The following ZNF383 variants were observed in gnomAD, a reference collection of about 807,000 sequenced individuals.
The protein encoded by ZNF383 is zinc finger protein 383.
Under a neutral mutation model 44.2 loss-of-function variants are expected in ZNF383, and 32 were observed. The observed-to-expected ratio is 0.72, with a 90% CI of 0.55 to 0.97. The LOEUF is 0.97. ZNF383 is among the 50% of genes least tolerant of loss of function. The pLI is 0.00. For missense variants in ZNF383, 487 were observed against 562.5 expected, an observed-to-expected ratio of 0.87 and a Z score of 1.36; for synonymous variants, 155 against 186.2, an observed-to-expected ratio of 0.83 and a Z score of 1.36.
intron 1 of ZNF383, among the ~76,000 whole-genome samples, chr19:37,222,687 A>G (rs1161595340): frequency 1.3e-5 from 2 of 152,132 alleles, no homozygotes; most frequent in African/African-American, 2.4e-5. Flanking sequence ...CGAATATAAC[A>G]CATTTTACTT....
chr19:37,222,804 T>C (rs1358350102), intron 1 of ZNF383, among the ~76,000 whole-genome samples: 1 of 152,216 alleles, frequency 6.6e-6, no homozygotes, highest in Non-Finnish European at 1.5e-5. Flanking sequence ...TGAATGCATT[T>C]GTCTTGGGTG....
At chr19:37,223,795 A>G (rs1459818000) in intron 1 of ZNF383, among the ~76,000 whole-genome samples, 1 of 152,136 alleles carries the variant, frequency 6.6e-6, no homozygotes, top group Non-Finnish European at 1.5e-5. Flanking sequence ...GCACTTTGGG[A>G]GGCCCAGGCT....
chr19:37,233,423 G>A (rs969425273), intron 3 of ZNF383, among the ~76,000 whole-genome samples: 11 of 145,264 alleles, frequency 7.6e-5, no homozygotes, highest in East Asian at 2.1e-4. Context: ...GAGCCACTGC[G>A]CCCGGCTGTT....
chr19:37,243,602 G>A lies in ZNF383; in HGVS notation c.1366G>A (p.Gly456Arg). ...GEKPYNCKECGKAFSSGSDLI... is the reference protein window; with the variant it reads ...GEKPYNCKECRKAFSSGSDLI... ...AAAGCCCTATAACTGTAAGGAATGT[G>A]GGAAGGCTTTTAGTAGTGGCTCGGA... The change falls in exon 6 of 6, where the codon GGG becomes AGG. Residue 456 changes from glycine (G) to arginine (R), a missense_variant. Physicochemically the swap from Gly to Arg is moderately radical, Grantham distance 125 (BLOSUM62 -2). Transcript: ENST00000684119. 1 of 1,607,760 alleles carries A rather than the reference G, an allele frequency of 6.2e-7. No individual in the cohort carries two copies.
intron 1 of ZNF383, among the ~76,000 whole-genome samples, chr19:37,223,131 C>T (rs539157977): frequency 1.1e-4 from 16 of 152,302 alleles, no homozygotes; most frequent in South Asian, 8.3e-4. Context: ...TAGCACTCTT[C>T]TCAATAGCTG....
chr19:37,238,644 G>A (rs1050557737), intron 5 of ZNF383, among the ~76,000 whole-genome samples: 2 of 152,144 alleles, frequency 1.3e-5, no homozygotes, highest in South Asian at 2.1e-4. Flanking sequence ...TGAGCAAAGC[G>A]GGAATTGTAG....
rs917353692 is a variant in ZNF383 at position 37,233,925 on chromosome 19, C to T, written c.10-1624C>T. Among the ~76,000 whole-genome samples, 11 of 151,266 alleles carry T rather than the reference C, an allele frequency of 7.3e-5. No homozygotes were observed. In the South Asian group the frequency reaches 1.1e-3, roughly 14 times the overall value. On this transcript the variant is annotated intron_variant, in intron 3 of 5. Transcript: ENST00000684119. Reference sequence around the variant, plus strand: ...TATCGCCCAGGCTGGAGTGCAATGGCGCAATCTCTGCTCACTGCAACCTCC... The same window carrying T: ...TATCGCCCAGGCTGGAGTGCAATGGTGCAATCTCTGCTCACTGCAACCTCC...
intron 3 of ZNF383, among the ~76,000 whole-genome samples, chr19:37,232,458 T>A (rs1049274897): frequency 4.6e-5 from 7 of 152,168 alleles, no homozygotes; most frequent in African/African-American, 1.4e-4. Context: ...ATAAAATATA[T>A]CTTGGATACT....
chr19:37,234,866 C>T (rs188565952), intron 3 of ZNF383, among the ~76,000 whole-genome samples: 1 of 152,306 alleles, frequency 6.6e-6, no homozygotes, highest in East Asian at 1.9e-4. Context: ...TTTGGTATAA[C>T]AAGACGTTCA....
chr19:37,223,148 C>T (rs1443676421), intron 1 of ZNF383, among the ~76,000 whole-genome samples: 2 of 152,292 alleles, frequency 1.3e-5, no homozygotes, highest in African/African-American at 2.4e-5. Context: ...GCTGACAGAA[C>T]AAGTGACAAA....
At chr19:37,223,481 T>G (rs995306793) in intron 1 of ZNF383, among the ~76,000 whole-genome samples, 5 of 151,998 alleles carry the variant, frequency 3.3e-5, no homozygotes, top group Non-Finnish European at 7.4e-5. Flanking sequence ...GAGGATTGCT[T>G]GAACCCAGAA....
Position 37,229,800 on chromosome 19 carries a change from ATAT to A in ZNF383, c.-45-607_-45-605del, listed in dbSNP as rs577917377. ...TATATGTGTGTGTATATATATATATATATTTTTTTTTTTTTTTCAATAAAACAG... is the reference window on the plus strand; with the variant it reads ...TATATGTGTGTGTATATATATATATATTTTTTTTTTTTTTCAATAAAACAG... On this transcript the variant is annotated intron_variant, in intron 2 of 5. Coordinates refer to ENST00000684119, the MANE Select transcript of ZNF383 (RefSeq NM_001387601.1). 2.5e-3 allele frequency among the ~76,000 whole-genome samples: 286 copies of A among 114,416 alleles called. 3 individuals are homozygous for A. Among genetic ancestry groups the A allele is most frequent in the African/African-American group, 0.011 (270 of 24,854 alleles). 75.1% of individuals were successfully genotyped at this position (114,416 alleles called of 152,430 possible).
intron 1 of ZNF383, among the ~76,000 whole-genome samples, chr19:37,221,884 A>T (rs999712682): frequency 7.0e-6 from 1 of 143,730 alleles, no homozygotes; most frequent in African/African-American, 2.6e-5. Context: ...TGAACCCGGG[A>T]GGTGGAGCTT....
intron 5 of ZNF383, among the ~76,000 whole-genome samples, chr19:37,240,429 T>C (rs897732739): frequency 2.0e-5 from 3 of 152,182 alleles, no homozygotes; most frequent in African/African-American, 7.2e-5. Context: ...GAAGAAATGG[T>C]AGCTTAGAGA....
chr19:37,229,179 A>T (rs1599787250), intron 2 of ZNF383, among the ~76,000 whole-genome samples: 3 of 122,038 alleles, frequency 2.5e-5, no homozygotes, highest in African/African-American at 6.4e-5. Flanking sequence ...TTTGAGACAG[A>T]GTTTTGCTCT....
chr19:37,226,078 C>T (rs1390488996), intron 2 of ZNF383, among the ~76,000 whole-genome samples: 1 of 151,804 alleles, frequency 6.6e-6, no homozygotes, highest in Non-Finnish European at 1.5e-5. Context: ...CTTTGAACCA[C>T]CAGTTATTTA....
At chr19:37,241,938 A>G (rs1039821536) in intron 5 of ZNF383, among the ~76,000 whole-genome samples, 2 of 147,042 alleles carry the variant, frequency 1.4e-5, no homozygotes, top group African/African-American at 2.5e-5. Flanking sequence ...ATATATGTAT[A>G]TCATATATAT....
At chr19:37,237,020 G>T (rs749899795) in intron 5 of ZNF383, among the ~76,000 whole-genome samples, 28 of 147,570 alleles carry the variant, frequency 1.9e-4, no homozygotes, top group Non-Finnish European at 3.5e-4. Flanking sequence ...CACACCCCTT[G>T]CCCAAGTACT....
rs553273216 is a variant in ZNF383, at chr19:37,228,861, TA to T, written c.-45-1539del. On this transcript the variant is annotated intron_variant, in intron 2 of 5. Coordinates refer to ENST00000684119, the MANE Select transcript of ZNF383 (RefSeq NM_001387601.1). ...ATAATCCTTCTCTAATTATTGTATG[TA>T]AAAAAAAATTATTTTATTCGCCCAC... Among the ~76,000 whole-genome samples, 178 of 151,800 alleles carry T rather than the reference TA, an allele frequency of 1.2e-3. 1 individual carries two copies. Among genetic ancestry groups the T allele is most frequent in the African/African-American group, 2.8e-3 (117 of 41,416 alleles).
Sources: gnomAD v4.1 joint callset for allele counts (sites outside exome capture counted in the v4.1 genomes callset) on GRCh38, gnomAD v4.1.1 for gene constraint, MANE v1.5 for transcripts, NCBI Gene and HGNC (gene_info 2026-07-23, HGNC 2026-07-21) for gene names.